COMMD1: variants seen among roughly 807,000 people sequenced by gnomAD.
COMMD1 encodes the protein copper metabolism domain containing 1, also known as COMM domain-containing protein 1.
In COMMD1, 10 loss-of-function variants were observed where a neutral mutation model predicts 17.2. That is an observed-to-expected ratio of 0.58 (90% CI 0.36 to 0.99). COMMD1 has a LOEUF of 0.99. Ranked by LOEUF, COMMD1 falls within the 50% of genes least tolerant of loss-of-function variation. The probability of loss-of-function intolerance (pLI) is 0.01; values close to 1 mark genes in which losing one functional copy is unlikely to be tolerated. For synonymous variants in COMMD1, 97 were observed against 91.6 expected (o/e 1.06, Z -0.34); for missense variants, 270 against 231.8 (o/e 1.17, Z -1.07).
chr2:61,976,226 C>G (rs1469033537), intron 1 of COMMD1, among the ~76,000 whole-genome samples: 1 of 148,654 alleles, frequency 6.7e-6, no homozygotes, highest in Admixed American at 6.7e-5. Flanking sequence ...AAAATACATA[C>G]TGTCAGAGTG....
At chr2:61,997,301 A>T (rs1448415498) in intron 1 of COMMD1, among the ~76,000 whole-genome samples, 1 of 151,944 alleles carries the variant, frequency 6.6e-6, no homozygotes, top group African/African-American at 2.4e-5. Context: ...GGCTCAAGCA[A>T]TCTGCCCACC....
intron 2 of COMMD1, among the ~76,000 whole-genome samples, chr2:62,081,555 T>A (rs1671520922): frequency 6.6e-6 from 1 of 152,090 alleles, no homozygotes; most frequent in African/African-American, 2.4e-5. Flanking sequence ...TGGCCCAATC[T>A]AGATTTTTTT....
upstream of COMMD1, among the ~76,000 whole-genome samples, chr2:61,904,923 A>G (rs1436248217): frequency 3.9e-5 from 6 of 152,210 alleles, no homozygotes; most frequent in Non-Finnish European, 8.8e-5. Context: ...TTTCATATAA[A>G]TGGATGTCCA....
At chr2:62,075,858 A>G (rs1426485252) in intron 2 of COMMD1, among the ~76,000 whole-genome samples, 1 of 152,236 alleles carries the variant, frequency 6.6e-6, no homozygotes, top group African/African-American at 2.4e-5. Context: ...TATGAACCAT[A>G]TGTTGTCACA....
chr2:62,040,540 A>G (rs765603897), intron 2 of COMMD1, among the ~76,000 whole-genome samples: 2 of 152,236 alleles, frequency 1.3e-5, no homozygotes, highest in Admixed American at 6.5e-5. Flanking sequence ...ATCCCTAAAA[A>G]TGAAAACCCA....
At chr2:61,945,410 G>A (rs1324146534) in intron 1 of COMMD1, among the ~76,000 whole-genome samples, 1 of 152,134 alleles carries the variant, frequency 6.6e-6, no homozygotes, top group African/African-American at 2.4e-5. Flanking sequence ...CTCTGGTGTG[G>A]GGCCTCCCAG....
At chr2:62,125,455 G>T (rs1296798641) in intron 2 of COMMD1, among the ~76,000 whole-genome samples, 2 of 152,100 alleles carry the variant, frequency 1.3e-5, no homozygotes, top group Non-Finnish European at 2.9e-5. Context: ...GTTGTGATTT[G>T]CAGTATGATT....
chr2:61,892,574 T>G (rs867255214), intron 1 of COMMD1, among the ~76,000 whole-genome samples: 20 of 151,902 alleles, frequency 1.3e-4, no homozygotes, highest in Middle Eastern at 3.4e-3. Context: ...TGCACCTGTA[T>G]TCCCAGCTAC....
intron 2 of COMMD1, among the ~76,000 whole-genome samples, chr2:62,044,709 A>T (rs1313792090): frequency 1.3e-5 from 2 of 152,114 alleles, no homozygotes; most frequent in Non-Finnish European, 2.9e-5. Context: ...AGCCAGTGTC[A>T]AAGAAAATTG....
intron 2 of COMMD1, among the ~76,000 whole-genome samples, chr2:62,052,220 A>G (rs1251493995): frequency 6.6e-6 from 1 of 152,110 alleles, no homozygotes; most frequent in Non-Finnish European, 1.5e-5. Flanking sequence ...GGAAGCTGAC[A>G]CTGGTGGATT....
intron 1 of COMMD1, among the ~76,000 whole-genome samples, chr2:61,975,393 C>G (rs1307052067): frequency 6.6e-6 from 1 of 151,948 alleles, no homozygotes; most frequent in Non-Finnish European, 1.5e-5. Context: ...AGAGTGATTG[C>G]TGGATTTTAT....
intron 2 of COMMD1, among the ~76,000 whole-genome samples, chr2:62,135,591 T>A (rs1573225814): frequency 6.6e-6 from 1 of 152,298 alleles, no homozygotes; most frequent in East Asian, 1.9e-4. Flanking sequence ...GACCTTGTGA[T>A]CTGCCCGCCT....
chr2:62,099,464 C>A (rs922547399), intron 2 of COMMD1, among the ~76,000 whole-genome samples: 1 of 152,136 alleles, frequency 6.6e-6, no homozygotes, highest in Admixed American at 6.5e-5. Flanking sequence ...CATAAATACT[C>A]GCAAGTCAAG....
At chr2:61,941,369 C>G (rs1670743911) in intron 1 of COMMD1, among the ~76,000 whole-genome samples, 1 of 152,164 alleles carries the variant, frequency 6.6e-6, no homozygotes, top group African/African-American at 2.4e-5. Context: ...CCATGAGGGA[C>G]AGCAAATTTG....
intron 1 of COMMD1, among the ~76,000 whole-genome samples, chr2:61,892,907 G>A (rs1035206635): frequency 6.6e-6 from 1 of 151,328 alleles, no homozygotes; most frequent in Non-Finnish European, 1.5e-5. Context: ...TCGCTCTGTC[G>A]CCCAGCCTGG....
At chr2:62,128,051 G>T in intron 2 of COMMD1, among the ~76,000 whole-genome samples, 1 of 151,504 alleles carries the variant, frequency 6.6e-6, no homozygotes, top group Non-Finnish European at 1.5e-5. Context: ...GATGAGGTTG[G>T]GCATGGTGGC....
intron 1 of COMMD1, among the ~76,000 whole-genome samples, chr2:61,943,691 C>T (rs1435404176): frequency 2.6e-5 from 4 of 151,960 alleles, no homozygotes; most frequent in East Asian, 1.9e-4. Flanking sequence ...AAAAATCAGC[C>T]GGGTGTGGTG....
chr2:62,123,492 A>G (rs1448705346), intron 2 of COMMD1, among the ~76,000 whole-genome samples: 4 of 148,606 alleles, frequency 2.7e-5, no homozygotes, highest in African/African-American at 1.0e-4. Context: ...GCAACAAAGC[A>G]AGACATGTGA....
At chr2:62,065,166 GA>G (rs1558583746) in intron 2 of COMMD1, among the ~76,000 whole-genome samples, 1 of 152,058 alleles carries the variant, frequency 6.6e-6, no homozygotes, top group Non-Finnish European at 1.5e-5. Context: ...GTCAGAGCAA[GA>G]CCCTGTCTCT....
Sources: gnomAD v4.1 joint callset for allele counts (sites outside exome capture counted in the v4.1 genomes callset) on GRCh38, gnomAD v4.1.1 for gene constraint, MANE v1.5 for transcripts, NCBI Gene and HGNC (gene_info 2026-07-23, HGNC 2026-07-21) for gene names.